IGFL2: variants seen among roughly 807,000 people sequenced by gnomAD.
IGFL2 encodes the protein insulin growth factor-like family member 2.
A neutral mutation model predicts 13.9 loss-of-function variants in IGFL2; 7 were observed. That is an observed-to-expected ratio of 0.51 (90% CI 0.29 to 0.95). IGFL2 has a LOEUF of 0.95. Ranked by LOEUF, IGFL2 falls within the 40% of genes least tolerant of loss-of-function variation. The pLI, the probability that IGFL2 is intolerant of heterozygous loss-of-function variation, is 0.08. For missense variants in IGFL2, 138 were observed against 147.8 expected, an observed-to-expected ratio of 0.93 and a Z score of 0.34; for synonymous variants, 55 against 55.8, an observed-to-expected ratio of 0.99 and a Z score of 0.07.
the IGFL2 span, chr19:46,113,595 G>T: frequency 3.5e-6 from 1 of 284,924 alleles, no homozygotes; most frequent in South Asian, 4.0e-5. Flanking sequence ...AAAGCTTGAA[G>T]ACTTTTGGCT....
chr19:46,115,782 C>T, the IGFL2 span, among the ~76,000 whole-genome samples: 31 of 152,126 alleles, frequency 2.0e-4, no homozygotes, highest in African/African-American at 7.0e-4. Flanking sequence ...AGGGAACCAG[C>T]GACAGGGATA....
the IGFL2 span, among the ~76,000 whole-genome samples, chr19:46,102,445 G>A: frequency 7.2e-5 from 11 of 152,166 alleles, no homozygotes; most frequent in Non-Finnish European, 1.6e-4. Context: ...ACCTTCTTAA[G>A]TGTGGGGGAG....
chr19:46,210,691 T>C, the IGFL2 span, among the ~76,000 whole-genome samples: 30 of 152,216 alleles, frequency 2.0e-4, no homozygotes, highest in Non-Finnish European at 3.2e-4. Context: ...CTGGCTCTGC[T>C]GGCAGCTGAT....
At chr19:46,082,666 G>C in the IGFL2 span, among the ~76,000 whole-genome samples, 2 of 149,956 alleles carry the variant, frequency 1.3e-5, no homozygotes, top group African/African-American at 4.9e-5. Context: ...ACTCTGTCAC[G>C]CAGCTGGAGC....
chr19:46,120,343 A>T, the IGFL2 span: 6 of 1,611,100 alleles, frequency 3.7e-6, no homozygotes, highest in Admixed American at 8.4e-5. Context: ...TGGGTACAGG[A>T]CGTGCCTCCT....
the IGFL2 span, among the ~76,000 whole-genome samples, chr19:46,097,734 T>A: frequency 6.6e-6 from 1 of 152,210 alleles, no homozygotes; most frequent in Non-Finnish European, 1.5e-5. Context: ...TTTAGAGGAC[T>A]TCTTTACTTC....
chr19:46,166,351 A>T, the IGFL2 span, among the ~76,000 whole-genome samples: 1 of 152,216 alleles, frequency 6.6e-6, no homozygotes, highest in African/African-American at 2.4e-5. Context: ...AGTTTTTATT[A>T]GGGATTTTCA....
chr19:46,105,206 C>T, the IGFL2 span, among the ~76,000 whole-genome samples: 23 of 152,114 alleles, frequency 1.5e-4, no homozygotes, highest in Non-Finnish European at 2.5e-4. Context: ...TCTTTCAGCC[C>T]ATATAACAGC....
chr19:46,079,452 T>C, the IGFL2 span, among the ~76,000 whole-genome samples: 1 of 152,202 alleles, frequency 6.6e-6, no homozygotes, highest in East Asian at 1.9e-4. Context: ...CGGGTCACTT[T>C]AGTGCATCCT....
rs1215155196 is a variant in IGFL2 at position 46,160,682 on chromosome 19, T to G, written c.142T>G (p.Leu48Val). The G allele has an allele frequency of 1.9e-6, 3 of 1,614,038 alleles. No individual in the cohort carries two copies. The highest frequency in any genetic ancestry group is 1.7e-6 in the Non-Finnish European group (2 of 1,180,038). Residue 48 changes from leucine (L) to valine (V), a missense_variant, in exon 3 of 4, where the codon TTG becomes GTG. Physicochemically the swap from Leu to Val is conservative, Grantham distance 32. Transcript: ENST00000377693. ...PRCGDKIYNPLEQCCYNDAIV... is the reference protein window; with the variant it reads ...PRCGDKIYNPVEQCCYNDAIV... ...GTGTGGAGACAAGATCTACAACCCC[T>G]TGGAGCAGTGCTGTTACAATGACGC...
upstream of IGFL2, chr19:46,148,190 G>A: frequency 1.6e-6 from 2 of 1,231,254 alleles, no homozygotes; most frequent in African/African-American, 1.5e-5. Context: ...CTCCCTAAAT[G>A]TGGATAAGTT....
chr19:46,183,913 T>C, the IGFL2 span, among the ~76,000 whole-genome samples: 168 of 152,252 alleles, frequency 1.1e-3, no homozygotes, highest in African/African-American at 3.7e-3. Context: ...CCCATGCTTC[T>C]CTAATTTCTC....
chr19:46,142,075 C>T (rs2146806175), upstream of IGFL2, among the ~76,000 whole-genome samples: 1 of 152,226 alleles, frequency 6.6e-6, no homozygotes, highest in South Asian at 2.1e-4. Flanking sequence ...ACACCATTAC[C>T]AGTTGTGGAA....
chr19:46,160,334 CA>C (rs1974083275), intron 1 of IGFL2, 80 bp from the exon 2 acceptor site: 3 of 1,281,188 alleles, frequency 2.3e-6, no homozygotes, highest in Admixed American at 3.9e-5. Context: ...AAGCCTTCCC[CA>C]CCCTGGCCTG....
chr19:46,203,556 G>A, the IGFL2 span: 3 of 152,310 alleles, frequency 2.0e-5, no homozygotes, highest in Non-Finnish European at 4.4e-5. Flanking sequence ...AGTTCTTGTT[G>A]CAGGTAGCAG....
intron 1 of IGFL2, among the ~76,000 whole-genome samples, chr19:46,148,648 T>C (rs2146832814): frequency 6.6e-6 from 1 of 152,298 alleles, no homozygotes; most frequent in Admixed American, 6.5e-5. Flanking sequence ...ATCACTGTCA[T>C]TCTTCTCTCA....
the IGFL2 span, chr19:46,213,086 G>A: frequency 1.3e-5 from 2 of 152,398 alleles, no homozygotes; most frequent in Admixed American, 6.5e-5. Context: ...GATGTCAGGG[G>A]TTAGCAATGT....
the IGFL2 span, among the ~76,000 whole-genome samples, chr19:46,194,144 G>T: frequency 6.6e-6 from 1 of 152,076 alleles, no homozygotes; most frequent in East Asian, 1.9e-4. Context: ...GGAGTGCATT[G>T]TACTCCCTGG....
At chr19:46,111,670 G>T in the IGFL2 span, 1 of 152,134 alleles carries the variant, frequency 6.6e-6, no homozygotes, top group Non-Finnish European at 1.5e-5. Flanking sequence ...GATACTAATG[G>T]CTATGATTAG....
Sources: gnomAD v4.1 joint callset for allele counts (sites outside exome capture counted in the v4.1 genomes callset) on GRCh38, gnomAD v4.1.1 for gene constraint, MANE v1.5 for transcripts, NCBI Gene and HGNC (gene_info 2026-07-23, HGNC 2026-07-21) for gene names.